The following LETM2 variants were observed in gnomAD, a reference collection of about 807,000 sequenced individuals.
LETM2 encodes LETM1 domain-containing protein LETM2, mitochondrial.
Under a neutral mutation model 59.6 loss-of-function variants are expected in LETM2, and 58 were observed. The ratio of observed to expected loss-of-function variants is 0.97; its 90% confidence interval spans 0.79 to 1.21. The LOEUF is 1.21. LETM2 is among the 50% of genes most tolerant of loss of function. The pLI is 0.00. For synonymous variants in LETM2, 199 were observed against 214.1 expected (o/e 0.93, Z 0.62); for missense variants, 572 against 575.7 (o/e 0.99, Z 0.07).
At chr8:38,407,485 AAAAG>A (rs756929209) in intron 10 of LETM2, 22 bp downstream of exon 10, 25 of 1,477,090 alleles carry the variant, frequency 1.7e-5, no homozygotes, top group Middle Eastern at 1.7e-4. Context: ...TAATAAATGA[AAAAG>A]AAAGAGAAGA....
chr8:38,405,598 T>A lies in LETM2; in HGVS notation c.1218+1092T>A, dbSNP rs569171566. Among the ~76,000 whole-genome samples, 5 of 152,316 alleles carry A rather than the reference T, an allele frequency of 3.3e-5. 1 individual carries two copies. Among genetic ancestry groups the A allele is most frequent in the African/African-American group, 1.2e-4 (5 of 41,566 alleles). ...TTCCCTTTTCATATTTCTAGAGTAA[T>A]CTGGTTTTGGGATTTGTCCAGGAAA... On this transcript the variant is annotated intron_variant, in intron 8 of 10. Transcript: ENST00000379957.
intron 1 of LETM2, 92 bp from the exon 2 acceptor site, chr8:38,387,858 C>A: frequency 1.6e-6 from 1 of 619,474 alleles, no homozygotes; most frequent in Non-Finnish European, 2.8e-6. Context: ...AAATGTTCTA[C>A]CTTTGCAATA....
chr8:38,407,341 C>T (rs776971779), intron 9 of LETM2, 21 bp from the exon 10 acceptor site: 14 of 1,530,066 alleles, frequency 9.1e-6, no homozygotes, highest in Admixed American at 3.3e-5. Context: ...AGTAACCCAA[C>T]TCTCAGTTCT....
At chr8:38,393,220 CTT>C (rs1173879689) in intron 3 of LETM2, 5 of 478,828 alleles carry the variant, frequency 1.0e-5, no homozygotes, top group African/African-American at 1.9e-5. Context: ...TTAAAAAAAA[CTT>C]TTATTTTAGG....
In LETM2 at chr8:38,408,369, G is replaced by C. The variant is rs1210846957; in HGVS notation, c.*95G>C. ...TCCCAGATAAGACTGTCTGGCTTCA[G>C]AGAGCGGATCAGCTGTTTAGCCCGT... is the stretch of plus-strand genomic sequence containing the variant. On this transcript the variant is annotated 3_prime_UTR_variant, in exon 11 of 11. Coordinates refer to ENST00000379957, the MANE Select transcript of LETM2 (RefSeq NM_001286819.2). The C allele has an allele frequency of 4.5e-6, 5 of 1,103,170 alleles. No individual in the cohort carries two copies. The highest frequency in any genetic ancestry group is 1.6e-5 in the African/African-American group (1 of 64,450). The allele number at this position is 1,103,170 out of a possible 1,614,324, so 68.3% of individuals were successfully genotyped here. A position where few individuals can be genotyped will look rare whatever the true frequency, so the allele number is the denominator to read the frequency against.
chr8:38,391,187 A>C (rs1274689051), intron 2 of LETM2, among the ~76,000 whole-genome samples: 28 of 143,992 alleles, frequency 1.9e-4, no homozygotes, highest in African/African-American at 5.3e-4. Context: ...GTCTCAAAAA[A>C]AAAAAAAAAA....
chr8:38,406,007 T>C (rs1467396307), intron 8 of LETM2, among the ~76,000 whole-genome samples: 11 of 152,336 alleles, frequency 7.2e-5, no homozygotes, highest in South Asian at 4.1e-4. Context: ...CTGTGAAGAA[T>C]AGAGACATCA....
intron 2 of LETM2, among the ~76,000 whole-genome samples, chr8:38,391,107 G>A (rs1812203511): frequency 6.7e-6 from 1 of 148,450 alleles, no homozygotes; most frequent in South Asian, 2.1e-4. Flanking sequence ...GAGCCTAGGA[G>A]GTCATGGCTG....
At position 38,392,551 on chromosome 8, in the gene LETM2, C is replaced by G; in HGVS notation, c.57C>G (p.Ser19Arg). Residue 19 changes from serine to arginine, a missense_variant, in exon 3 of 11, where the codon AGC becomes AGG. Coordinates refer to ENST00000379957, the MANE Select transcript of LETM2 (RefSeq NM_001286819.2). ...VLAIARTRFP[S>R]HFVHPTCSSY... is the part of the protein sequence containing the mutation. ...TTGCTTTTTATTCCAGATTCCCTAG[C>G]CATTTTGTCCATCCTACCTGCTCTT... The G allele has an allele frequency of 6.2e-7, 1 of 1,604,706 alleles. No homozygotes were observed. The highest frequency in any genetic ancestry group is 8.5e-7 in the Non-Finnish European group (1 of 1,175,522).
At chr8:38,387,121 G>C (rs1295825033) in intron 1 of LETM2, 17 of 152,244 alleles carry the variant, frequency 1.1e-4, no homozygotes, top group Non-Finnish European at 1.5e-5. Flanking sequence ...GCCCGGGCCC[G>C]AGCGGATTAA....
At chr8:38,388,496 C>T (rs1367583516) in intron 2 of LETM2, among the ~76,000 whole-genome samples, 4 of 148,920 alleles carry the variant, frequency 2.7e-5, no homozygotes, top group Non-Finnish European at 4.5e-5. Context: ...CCAAGGCGAG[C>T]GGATTGCCTG....
intron 2 of LETM2, 128 bp from the exon 3 acceptor site, chr8:38,392,414 G>GAAAA (rs58859997): frequency 5.2e-6 from 3 of 574,736 alleles, no homozygotes; most frequent in Non-Finnish European, 8.9e-6. Flanking sequence ...AATGGGAGTG[G>GAAAA]AAAAAAAAAA....
chr8:38,401,158 T>G (rs1813189231), intron 6 of LETM2, 105 bp downstream of exon 6: 1 of 958,062 alleles, frequency 1.0e-6, no homozygotes, highest in Non-Finnish European at 1.6e-6. Flanking sequence ...GTTTTTGTTT[T>G]TGAGACAAAG....
Position 38,408,379 on chromosome 8 carries a change from C to A in LETM2, c.*105C>A. ...GACTGTCTGGCTTCAGAGAGCGGAT[C>A]AGCTGTTTAGCCCGTGGGGCAGTCC... is the stretch of plus-strand genomic sequence containing the variant. On this transcript the variant is annotated 3_prime_UTR_variant, in exon 11 of 11. Coordinates refer to ENST00000379957, the MANE Select transcript of LETM2 (RefSeq NM_001286819.2). 9.8e-7 allele frequency: 1 copy of A among 1,016,328 alleles called. No individual in the cohort carries two copies. Among genetic ancestry groups the A allele is most frequent in the Non-Finnish European group, 1.5e-6 (1 of 670,726 alleles). The allele number at this position is 1,016,328 out of a possible 1,614,324, so 63.0% of individuals were successfully genotyped here.
chr8:38,404,609 C>T (rs1813559356), intron 8 of LETM2, 103 bp downstream of exon 8: 1 of 758,844 alleles, frequency 1.3e-6, no homozygotes, highest in African/African-American at 1.8e-5. Context: ...TTCTTTTGGC[C>T]TTTTAGAATT....
chr8:38,400,606 A>G (rs537501010), intron 5 of LETM2, 197 bp downstream of exon 5: 2 of 665,748 alleles, frequency 3.0e-6, no homozygotes, highest in South Asian at 4.5e-5. Flanking sequence ...AAAGTAATCA[A>G]CGTTTTGAAG....
Position 38,404,445 on chromosome 8 carries a change from C to G in LETM2, c.1157C>G (p.Ser386Cys). The part of the protein sequence containing the change: ...ENVPPSLLLL[S>C]RTFYLIDVKP... ...GTCCCTCCTTCCCTTTTGCTCCTGTCCCGCACCTTCTACCTGATAGATGTG... is the reference window on the plus strand; with the variant it reads ...GTCCCTCCTTCCCTTTTGCTCCTGTGCCGCACCTTCTACCTGATAGATGTG... Residue 386 changes from serine to cysteine, a missense_variant, in exon 8 of 11, where the codon TCC (serine) becomes TGC (cysteine). Coordinates refer to ENST00000379957, the MANE Select transcript of LETM2 (RefSeq NM_001286819.2). 6.2e-7 allele frequency: 1 copy of G among 1,614,098 alleles called. No individual in the cohort carries two copies. Among genetic ancestry groups the G allele is most frequent in the Non-Finnish European group, 8.5e-7 (1 of 1,179,998 alleles).
At chr8:38,387,624 T>A (rs1811875336) in intron 1 of LETM2, among the ~76,000 whole-genome samples, 1 of 152,142 alleles carries the variant, frequency 6.6e-6, no homozygotes, top group Non-Finnish European at 1.5e-5. Flanking sequence ...TAGATATGTA[T>A]TGCTCTACTT....
chr8:38,388,550 C>T (rs1445351627), intron 2 of LETM2, among the ~76,000 whole-genome samples: 2 of 149,910 alleles, frequency 1.3e-5, no homozygotes, highest in Admixed American at 6.6e-5. Context: ...GGTGAAACCC[C>T]GTCTCTACTA....
Sources: allele counts gnomAD v4.1 joint callset (sites outside exome capture counted in the v4.1 genomes callset), GRCh38; gene constraint gnomAD v4.1.1; transcripts MANE v1.5; gene names NCBI Gene and HGNC (gene_info 2026-07-23, HGNC 2026-07-21).